The following GRIK2 variants were observed in gnomAD, a reference collection of about 807,000 sequenced individuals.
The protein encoded by GRIK2 is glutamate receptor ionotropic, kainate 2.
In GRIK2, 32 loss-of-function variants were observed where a neutral mutation model predicts 100.3. That is an observed-to-expected ratio of 0.32 (90% CI 0.24 to 0.43). The LOEUF is 0.43. GRIK2 is among the 20% of genes least tolerant of loss of function. The pLI is 1.00. For synonymous variants in GRIK2, 417 were observed against 389.4 expected (o/e 1.07, Z -0.83); for missense variants, 843 against 1,114.9 (o/e 0.76, Z 3.47).
chr6:101,760,816 G>A (rs1386513549), intron 7 of GRIK2, among the ~76,000 whole-genome samples: 7 of 145,374 alleles, frequency 4.8e-5, no homozygotes, highest in Non-Finnish European at 9.0e-5. Context: ...ATTTTATGTT[G>A]AGATTTTTGC....
intron 7 of GRIK2, among the ~76,000 whole-genome samples, chr6:101,750,505 C>G (rs1306164507): frequency 1.3e-5 from 2 of 152,176 alleles, no homozygotes; most frequent in Admixed American, 6.5e-5. Context: ...CCTTTGTCCT[C>G]TCAGTGGCAT....
At chr6:101,956,777 T>C (rs1182941526) in intron 14 of GRIK2, among the ~76,000 whole-genome samples, 1 of 133,584 alleles carries the variant, frequency 7.5e-6, no homozygotes, top group Non-Finnish European at 1.6e-5. Context: ...TGTGTGTATA[T>C]ATATATAAAA....
chr6:101,706,478 T>A (rs183903755), intron 7 of GRIK2, among the ~76,000 whole-genome samples: 17 of 152,064 alleles, frequency 1.1e-4, no homozygotes, highest in Non-Finnish European at 2.2e-4. Context: ...ATAATAGGTG[T>A]ATATATCATC....
intron 2 of GRIK2, among the ~76,000 whole-genome samples, chr6:101,533,399 T>C (rs1042229642): frequency 7.4e-6 from 1 of 134,370 alleles, no homozygotes; most frequent in Non-Finnish European, 1.6e-5. Flanking sequence ...AAAAAAGCAT[T>C]GATGTATATC....
chr6:101,686,457 T>A, intron 7 of GRIK2, 104 bp downstream of exon 7: 1 of 817,152 alleles, frequency 1.2e-6, no homozygotes, highest in Non-Finnish European at 1.9e-6. Context: ...AGTTTAATTG[T>A]TTGACATTAA....
intron 16 of GRIK2, chr6:102,064,017 T>A: frequency 6.5e-7 from 1 of 1,534,974 alleles, no homozygotes; most frequent in Non-Finnish European, 9.0e-7. Flanking sequence ...TAGTAATCTT[T>A]TGAAACTTAC....
At chr6:101,474,528 T>C (rs1238138685) in intron 2 of GRIK2, among the ~76,000 whole-genome samples, 1 of 151,908 alleles carries the variant, frequency 6.6e-6, no homozygotes, top group Non-Finnish European at 1.5e-5. Flanking sequence ...AAGTTCAGGC[T>C]TGAATATTAT....
chr6:101,535,767 A>G (rs546019406), intron 2 of GRIK2, among the ~76,000 whole-genome samples: 1 of 151,572 alleles, frequency 6.6e-6, no homozygotes, highest in Admixed American at 6.6e-5. Flanking sequence ...TTTTTTCATT[A>G]TGTTGACATA....
intron 7 of GRIK2, among the ~76,000 whole-genome samples, chr6:101,714,523 A>G (rs1189580170): frequency 1.3e-5 from 2 of 151,708 alleles, no homozygotes; most frequent in Non-Finnish European, 2.9e-5. Context: ...TCTGGTATCA[A>G]CTTTTAAAAT....
At chr6:101,597,319 A>T (rs1186126880) in intron 2 of GRIK2, among the ~76,000 whole-genome samples, 1 of 151,752 alleles carries the variant, frequency 6.6e-6, no homozygotes, top group Non-Finnish European at 1.5e-5. Context: ...CCAGACCTCA[A>T]CATCATGCAA....
chr6:101,516,175 C>T (rs1272596305), intron 2 of GRIK2, among the ~76,000 whole-genome samples: 2 of 152,058 alleles, frequency 1.3e-5, no homozygotes, highest in African/African-American at 2.4e-5. Flanking sequence ...AAGCAATCTA[C>T]ACATTCAATG....
chr6:101,433,075 A>G (rs889129667), intron 2 of GRIK2, among the ~76,000 whole-genome samples: 4 of 152,134 alleles, frequency 2.6e-5, no homozygotes, highest in African/African-American at 9.6e-5. Context: ...ATGGCACCTC[A>G]CCCTGAGGCT....
Position 102,068,343 on chromosome 6 carries a change from G to A in GRIK2, c.2563-4G>A, listed in dbSNP as rs767205435. On this transcript the variant is annotated splice_polypyrimidine_tract_variant and splice_region_variant and intron_variant, in intron 16 of 16. Coordinates refer to ENST00000369134, the MANE Select transcript of GRIK2 (RefSeq NM_021956.5). ...ATATTTAATTTTTCTGTGTTCTTCT[G>A]TAGAGGTCCTTCTGTAGTGCCATGG... 2.5e-6 allele frequency: 4 copies of A among 1,604,374 alleles called. No homozygotes were observed. The highest frequency in any genetic ancestry group is 2.7e-5 in the African/African-American group (2 of 74,596).
At chr6:101,468,490 T>C (rs1211664427) in intron 2 of GRIK2, among the ~76,000 whole-genome samples, 1 of 152,140 alleles carries the variant, frequency 6.6e-6, no homozygotes, top group Non-Finnish European at 1.5e-5. Flanking sequence ...CCATAGGAAT[T>C]ACAATGGAAA....
At chr6:101,467,918 A>C in intron 2 of GRIK2, among the ~76,000 whole-genome samples, 1 of 143,072 alleles carries the variant, frequency 7.0e-6, no homozygotes, top group Non-Finnish European at 1.5e-5. Flanking sequence ...CATTTTTTGC[A>C]TGCCCACGAT....
In GRIK2 at chr6:101,756,176, G is replaced by C. The variant is rs112933860; in HGVS notation, c.952-43472G>C. On this transcript the variant is annotated intron_variant, in intron 7 of 16. Coordinates refer to ENST00000369134, the MANE Select transcript of GRIK2 (RefSeq NM_021956.5). ...AGCAGAAGAGGTAAGTTTCCCTAAG[G>C]GAGTAGTTAGAAAATTAATTAAACT... Among the ~76,000 whole-genome samples the C allele has an allele frequency of 3.9e-5, 6 of 152,204 alleles. No individual in the cohort carries two copies. The South Asian group carries it at 6.2e-4, about 16-fold the overall frequency.
At chr6:101,691,411 G>A (rs540472918) in intron 7 of GRIK2, among the ~76,000 whole-genome samples, 1 of 151,172 alleles carries the variant, frequency 6.6e-6, no homozygotes, top group Non-Finnish European at 1.5e-5. Context: ...AGATTCTTGC[G>A]CCTCAGCCTC....
chr6:101,731,026 A>G (rs1583036627), intron 7 of GRIK2, among the ~76,000 whole-genome samples: 1 of 152,152 alleles, frequency 6.6e-6, no homozygotes, highest in Non-Finnish European at 1.5e-5. Context: ...ATGATTGATT[A>G]CTATTCATAG....
intron 2 of GRIK2, among the ~76,000 whole-genome samples, chr6:101,502,270 T>C (rs1463266015): frequency 3.3e-5 from 5 of 152,170 alleles, no homozygotes; most frequent in Admixed American, 2.0e-4. Context: ...GAGTCAGCAA[T>C]ATCATTTCTG....
Sources: gnomAD v4.1 joint callset for allele counts (sites outside exome capture counted in the v4.1 genomes callset) on GRCh38, gnomAD v4.1.1 for gene constraint, MANE v1.5 for transcripts, NCBI Gene and HGNC (gene_info 2026-07-23, HGNC 2026-07-21) for gene names.